Variants in CROCC observed in about 807,000 individuals in gnomAD.
The protein encoded by CROCC is ciliary rootlet coiled-coil, rootletin, also known as rootletin.
Under a neutral mutation model 245.2 loss-of-function variants are expected in CROCC, and 180 were observed. The observed-to-expected ratio is 0.73, with a 90% CI of 0.65 to 0.83. The LOEUF is 0.83. CROCC is among the 40% of genes least tolerant of loss of function. The probability of loss-of-function intolerance (pLI) is 0.00; values close to 1 mark genes in which losing one functional copy is unlikely to be tolerated. For missense variants in CROCC, 2,688 were observed against 2,779.4 expected (o/e 0.97, Z 0.74); for synonymous variants, 1,205 against 1,241.6 (o/e 0.97, Z 0.62).
chr1:16,950,491 G>A (rs1011173524), intron 19 of CROCC, among the ~76,000 whole-genome samples: 7 of 148,828 alleles, frequency 4.7e-5, no homozygotes, highest in African/African-American at 1.8e-4. Context: ...CCCTGAGGCT[G>A]GGACTACATA....
intron 13 of CROCC, among the ~76,000 whole-genome samples, chr1:16,942,549 G>C (rs1222804118): frequency 6.6e-6 from 1 of 152,292 alleles, no homozygotes; most frequent in East Asian, 1.9e-4. Flanking sequence ...CTGTGTGCCA[G>C]GCTCTTGGCC....
At position 16,966,341 on chromosome 1, in the gene CROCC, T is replaced by A; in HGVS notation, c.4697-67T>A. ...ACTGGGTGGAGTGCAGGCTGGACAT[T>A]TTGTGACCTGGTTTGGGTCTCGGGG... is the stretch of plus-strand genomic sequence containing the variant. On this transcript the variant is annotated intron_variant, in intron 29 of 36. Transcript: ENST00000375541. This position sits in a 1 kb window ranked among gnomAD's most constrained non-coding sequence, Gnocchi z 4.8. 6.8e-7 allele frequency: 1 copy of A among 1,466,588 alleles called. No homozygotes were observed. Among genetic ancestry groups the A allele is most frequent in the South Asian group, 1.4e-5 (1 of 73,432 alleles). 90.8% of individuals were successfully genotyped at this position (1,466,588 alleles called of 1,614,324 possible).
Position 16,922,791 on chromosome 1 carries a change from GAGCCC to G in CROCC, c.192_196del (p.Val66AlafsTer39). ...TCACCCGCAACCTCTCCCAGCCTGA[GAGCCC>G]AGGTGCCACCCCCATCCGCTCCCCT... On this transcript the variant is annotated frameshift_variant and splice_region_variant, in exon 2 of 37. Transcript: ENST00000375541. LOFTEE classifies it high-confidence loss of function. The G allele has an allele frequency of 6.2e-7, 1 of 1,612,300 alleles. No individual in the cohort carries two copies. Among genetic ancestry groups the G allele is most frequent in the East Asian group, 2.2e-5 (1 of 44,876 alleles).
intron 14 of CROCC, among the ~76,000 whole-genome samples, chr1:16,944,937 G>A (rs2076013036): frequency 6.6e-6 from 1 of 152,260 alleles, no homozygotes; most frequent in Non-Finnish European, 1.5e-5. Context: ...TGTGAAGTTT[G>A]TATCCTTAAA....
chr1:16,923,661 A>T (rs1384490915), intron 2 of CROCC, among the ~76,000 whole-genome samples: 1 of 146,466 alleles, frequency 6.8e-6, no homozygotes, highest in African/African-American at 2.5e-5. Flanking sequence ...GGATCTGGTT[A>T]CTACTATTCT....
chr1:16,964,768 C>T (rs189087619), intron 27 of CROCC, among the ~76,000 whole-genome samples: 240 of 152,310 alleles, frequency 1.6e-3, no homozygotes, highest in African/African-American at 3.9e-3. Context: ...CTGCGAGCTC[C>T]GCTTCCCGGG....
Position 16,969,875 on chromosome 1 carries a change from G to A in CROCC, c.5392G>A (p.Val1798Met). 2 of 1,611,712 alleles carry A rather than the reference G, an allele frequency of 1.2e-6. No individual in the cohort carries two copies. Among genetic ancestry groups the A allele is most frequent in the Non-Finnish European group, 1.7e-6 (2 of 1,178,942 alleles). Residue 1798 changes from valine to methionine, a missense_variant, in exon 33 of 37, where the codon GTG (valine) becomes ATG (methionine). Val to Met is a conservative substitution (Grantham distance 21, BLOSUM62 1). Transcript: ENST00000375541. ...GEQVQTLRGE[V>M]ADLELQRVEA... ...GCAGGTGCAGACGTTGCGAGGCGAG[G>A]TGGCTGACCTGGAACTGCAGCGGGT...
chr1:16,919,034 C>G (rs1442147244), upstream of CROCC, among the ~76,000 whole-genome samples: 2 of 152,260 alleles, frequency 1.3e-5, no homozygotes, highest in Non-Finnish European at 2.9e-5. Flanking sequence ...TGCACCTGGC[C>G]AGTAGCTGGT....
At position 16,972,945 on chromosome 1, in the gene CROCC, A is replaced by G. The variant is rs1212897122; in HGVS notation, c.*499A>G. 1 of 152,364 alleles carries G rather than the reference A, an allele frequency of 6.6e-6. No individual in the cohort carries two copies. Among genetic ancestry groups the G allele is most frequent in the Non-Finnish European group, 1.5e-5 (1 of 68,116 alleles). The allele number at this position is 152,364 out of a possible 1,614,324, so 9.4% of individuals were successfully genotyped here. ...ACTGTTCAGAACTGTTTTTTGTAAC[A>G]AAACCTTGTTTTTAAAAAAGTTTGT... On this transcript the variant is annotated 3_prime_UTR_variant, in exon 37 of 37. Coordinates refer to ENST00000375541, the MANE Select transcript of CROCC (RefSeq NM_014675.5).
chr1:16,930,396 C>T (rs767931990), intron 6 of CROCC, 33 bp from the exon 7 acceptor site: 102 of 1,611,038 alleles, frequency 6.3e-5, no homozygotes, highest in Non-Finnish European at 6.9e-5. Context: ...GCCCCCTGCG[C>T]GAGCGCCTAC....
At position 16,960,868 on chromosome 1, in the gene CROCC, G is replaced by A. The variant is rs1445136871; in HGVS notation, c.4143G>A (p.Leu1381=). ...CGCGTGGCACTGAAAAGCAGCAGCT[G>A]GACCACGCCCGCGGCCTGGAGCTGA... The part of the protein sequence containing the change: ...EEARGTEKQQ[L]DHARGLELKL... The change falls in exon 27 of 37, where the codon CTG becomes CTA. Residue 1381 remains leucine (L), a synonymous_variant. Coordinates refer to ENST00000375541, the MANE Select transcript of CROCC (RefSeq NM_014675.5). The A allele has an allele frequency of 2.0e-6, 3 of 1,517,104 alleles. No homozygotes were observed. The highest frequency in any genetic ancestry group is 2.6e-6 in the Non-Finnish European group (3 of 1,139,132). The allele number at this position is 1,517,104 out of a possible 1,614,324, so 94.0% of individuals were successfully genotyped here.
Position 16,970,303 on chromosome 1 carries a change from G to A in CROCC, c.5502G>A (p.Gln1834=). The A allele has an allele frequency of 6.3e-7, 1 of 1,585,568 alleles. No homozygotes were observed. The highest frequency in any genetic ancestry group is 2.3e-5 in the East Asian group (1 of 43,148). The change falls in exon 34 of 37, where the codon CAG becomes CAA. Residue 1834 remains glutamine, a synonymous_variant. Transcript: ENST00000375541. The part of the protein sequence containing the change: ...EGEAAALNTV[Q]KLQDERRLLQ... ...AGGCTGCAGCCCTGAACACCGTCCA[G>A]AAGCTGCAAGACGAGCGGCGGCTGC...
In CROCC at chr1:16,936,856, G is replaced by C; in HGVS notation, c.1176G>C (p.Lys392Asn). ...AGCAGATGCAAAGCGACCTGGACAA[G>C]GCTGACCTCAGTGCCAGGTGGGTAC... ...AQQQMQSDLDKADLSARVTEL... is the reference protein window; with the variant it reads ...AQQQMQSDLDNADLSARVTEL... The change falls in exon 9 of 37, where the codon AAG (lysine) becomes AAC (asparagine). Residue 392 changes from lysine to asparagine, a missense_variant. Transcript: ENST00000375541. 6.2e-7 allele frequency: 1 copy of C among 1,611,186 alleles called. No homozygotes were observed. The highest frequency in any genetic ancestry group is 8.5e-7 in the Non-Finnish European group (1 of 1,178,986).
At chr1:16,938,303 G>A (rs2075837128) in intron 10 of CROCC, 97 bp from the exon 11 acceptor site, 6 of 1,197,392 alleles carry the variant, frequency 5.0e-6, no homozygotes, top group South Asian at 4.5e-5. Flanking sequence ...GGCTTCAGAG[G>A]CCACCTGGTC....
chr1:16,969,676 T>G (rs1570721595), intron 32 of CROCC, 109 bp from the exon 33 acceptor site: 4 of 1,458,216 alleles, frequency 2.7e-6, no homozygotes, highest in Non-Finnish European at 3.7e-6. Flanking sequence ...ACCCTCCAGG[T>G]GAGATGACTG....
In CROCC at chr1:16,955,522, G is replaced by C; in HGVS notation, c.3676G>C (p.Val1226Leu). Residue 1226 changes from valine (V) to leucine (L), a missense_variant, in exon 24 of 37, where the codon GTG (valine) becomes CTG (leucine). This residue lies in a region of CROCC where 1,218 missense variants were observed against 1,286.3 expected (regional missense o/e 0.95). Coordinates refer to ENST00000375541, the MANE Select transcript of CROCC (RefSeq NM_014675.5). ...RRSNEELRSA[V>L]KKAESERISL... ...TTCCAATGAGGAGCTTCGGTCTGCT[G>C]TGAAGAAGGCAGAGAGCGAGCGCAT... is the stretch of plus-strand genomic sequence containing the variant. The C allele has an allele frequency of 6.4e-7, 1 of 1,565,782 alleles. No homozygotes were observed. Among genetic ancestry groups the C allele is most frequent in the Non-Finnish European group, 8.6e-7 (1 of 1,159,946 alleles).
chr1:16,947,267 C>T lies in CROCC; in HGVS notation c.2514+276C>T, dbSNP rs374143681. The stretch of plus-strand genomic sequence containing the variant: ...CGAGGCGGGTGGATCACCTGAGGTC[C>T]GGAGATCAAGACCATCCTGGCTAAC... On this transcript the variant is annotated intron_variant, in intron 17 of 36. Coordinates refer to ENST00000375541, the MANE Select transcript of CROCC (RefSeq NM_014675.5). 1.0e-3 allele frequency among the ~76,000 whole-genome samples: 152 copies of T among 152,304 alleles called. No individual in the cohort carries two copies. The East Asian group carries it at 0.023, about 23-fold the overall frequency.
rs201758058 is a variant in CROCC, at chr1:16,954,875, G to A, written c.3463G>A (p.Glu1155Lys). Residue 1155 changes from glutamate to lysine, a missense_variant and splice_region_variant, in exon 23 of 37, where the codon GAG (glutamate) becomes AAG (lysine). Transcript: ENST00000375541. This position sits in a 1 kb window ranked among gnomAD's most constrained non-coding sequence, Gnocchi z 4.4. ...LGKQRDSCLR[E>K]AEELRTQLRL... is the part of the protein sequence containing the mutation. ...CAAGCAGCGGGACTCCTGTCTTCGC[G>A]AGGTGAGCAGCCGCCCCCCTCTTCC... The A allele has an allele frequency of 9.2e-6, 14 of 1,525,966 alleles. No individual in the cohort carries two copies. Among genetic ancestry groups the A allele is most frequent in the East Asian group, 2.5e-5 (1 of 40,496 alleles). 94.5% of individuals were successfully genotyped at this position (1,525,966 alleles called of 1,614,324 possible). A position where few individuals can be genotyped will look rare whatever the true frequency, so the allele number is the denominator to read the frequency against.
intron 13 of CROCC, among the ~76,000 whole-genome samples, chr1:16,941,831 C>T (rs2075941034): frequency 6.6e-6 from 1 of 152,236 alleles, no homozygotes; most frequent in Non-Finnish European, 1.5e-5. Context: ...TCTGTCATCT[C>T]AGCGAGTTCT....
Sources: allele counts gnomAD v4.1 joint callset (sites outside exome capture counted in the v4.1 genomes callset), GRCh38; gene constraint gnomAD v4.1.1; regional missense constraint gnomAD v4.1.1; non-coding constraint Gnocchi (gnomAD v3.1); transcripts MANE v1.5; gene names NCBI Gene and HGNC (gene_info 2026-07-23, HGNC 2026-07-21).